The following SLCO1A2 variants were observed in gnomAD, a reference collection of about 807,000 sequenced individuals.
SLCO1A2 encodes OATP-1.
In SLCO1A2, 67 loss-of-function variants were observed where a neutral mutation model predicts 69.0. The ratio of observed to expected loss-of-function variants is 0.97; its 90% CI spans 0.80 to 1.19. The LOEUF is 1.19. SLCO1A2 is among the 50% of genes most tolerant of loss of function. SLCO1A2 has a pLI of 0.00. For synonymous variants in SLCO1A2, 260 were observed against 265.9 expected, an observed-to-expected ratio of 0.98 and a Z score of 0.22; for missense variants, 787 against 793.7, an observed-to-expected ratio of 0.99 and a Z score of 0.10.
At chr12:21,303,524 T>A (rs1248373620) in intron 6 of SLCO1A2, among the ~76,000 whole-genome samples, 1 of 152,208 alleles carries the variant, frequency 6.6e-6, no homozygotes. Context: ...CCTCTTTGAC[T>A]TTTTTAGTTT....
At chr12:21,313,814 C>CA (rs142521520) in intron 4 of SLCO1A2, among the ~76,000 whole-genome samples, 11,215 of 151,248 alleles carry the variant, frequency 0.074, 699 homozygotes, top group East Asian at 0.34. Flanking sequence ...ACTAAAAATG[C>CA]AAAAAATTAG....
chr12:21,342,291 T>A (rs2136984731), intron 2 of SLCO1A2, among the ~76,000 whole-genome samples: 1 of 151,988 alleles, frequency 6.6e-6, no homozygotes, highest in South Asian at 2.1e-4. Flanking sequence ...TCAAGACCTA[T>A]TTTTGAAAAA....
Position 21,365,648 on chromosome 12 carries a change from T to A in SLCO1A2, c.-63+8751A>T, listed in dbSNP as rs183327988. ...GGAGAAAATTTTTACAATCTACCCA[T>A]CTGACAAAGGGCTAATATCCAGAAT... On this transcript the variant is annotated intron_variant, in intron 2 of 15. Transcript: ENST00000307378. Among the ~76,000 whole-genome samples, 1,305 of 152,142 alleles carry A rather than the reference T, an allele frequency of 8.6e-3. 16 individuals are homozygous for A. Among genetic ancestry groups the A allele is most frequent in the African/African-American group, 0.027 (1,121 of 41,508 alleles).
chr12:21,295,106 A>G (rs1262587918), intron 10 of SLCO1A2: 1 of 152,304 alleles, frequency 6.6e-6, no homozygotes. Context: ...TTTTAGACAT[A>G]GCAATATAAA....
intron 2 of SLCO1A2, among the ~76,000 whole-genome samples, chr12:21,352,837 T>A (rs1189614371): frequency 6.6e-6 from 1 of 152,208 alleles, no homozygotes; most frequent in Non-Finnish European, 1.5e-5. Flanking sequence ...GGGAAGTACA[T>A]AAGGTGTATG....
chr12:21,309,143 C>A (rs1217045473), intron 4 of SLCO1A2, among the ~76,000 whole-genome samples: 1 of 151,898 alleles, frequency 6.6e-6, no homozygotes. Flanking sequence ...AAAGTTAAAT[C>A]TCCCAGAAAG....
exon 1 of SLCO1A2, chr12:21,395,351 G>A (rs1036687590): frequency 6.5e-6 from 1 of 152,968 alleles, no homozygotes; most frequent in Non-Finnish European, 1.5e-5. Flanking sequence ...ATTATATCCC[G>A]CACCTGGCTC....
chr12:21,293,424 C>T (rs1947216399), intron 11 of SLCO1A2, among the ~76,000 whole-genome samples: 2 of 152,060 alleles, frequency 1.3e-5, no homozygotes. Flanking sequence ...TGATCACCAA[C>T]CAACGTTATA....
chr12:21,313,562 A>G (rs558786520), intron 4 of SLCO1A2, among the ~76,000 whole-genome samples: 19 of 152,214 alleles, frequency 1.2e-4, no homozygotes, highest in Admixed American at 1.0e-3. Context: ...AAATACAAAA[A>G]TTAACTGAGT....
At chr12:21,398,101 G>C (rs1375465291), upstream of SLCO1A2, among the ~76,000 whole-genome samples, 12 of 140,708 alleles carry the variant, frequency 8.5e-5, no homozygotes, top group East Asian at 4.1e-4. Context: ...TTTTTGAAAG[G>C]ATCAACAAAA....
intron 3 of SLCO1A2, among the ~76,000 whole-genome samples, chr12:21,316,005 C>T (rs1565493948): frequency 1.3e-5 from 2 of 152,216 alleles, no homozygotes; most frequent in South Asian, 2.1e-4. Context: ...ATGTTTATTG[C>T]CTTTTGTAAA....
At chr12:21,331,404 G>A (rs1044796613) in intron 2 of SLCO1A2, among the ~76,000 whole-genome samples, 17 of 152,046 alleles carry the variant, frequency 1.1e-4, no homozygotes, top group African/African-American at 4.1e-4. Context: ...TTTCAGTTAT[G>A]AGGAATTTTA....
Position 21,300,543 on chromosome 12 carries a change from T to TGTCA in SLCO1A2, c.711_714dup (p.Thr239Ter). 1 of 1,611,954 alleles carries TGTCA rather than the reference T, an allele frequency of 6.2e-7. No individual in the cohort carries two copies. The highest frequency in any genetic ancestry group is 8.5e-7 in the Non-Finnish European group (1 of 1,179,098). On this transcript the variant is annotated stop_gained and frameshift_variant, in exon 8 of 15. Transcript: ENST00000683939. LOFTEE classifies it high-confidence loss of function. ...AACCACCATGCACCGACCCAACGAG[T>TGTCA]GTCAGTGGGAGTTATGATCAGATCA...
In SLCO1A2 at chr12:21,355,508, C is replaced by A. The variant is rs367667567; in HGVS notation, c.-63+18891G>T. ...AAAATACTGATACAAGGCCTAGGAT[C>A]TGGGAGACCTAAACTTTGAGTCTGT... On this transcript the variant is annotated intron_variant, in intron 2 of 15. Transcript: ENST00000307378. Among the ~76,000 whole-genome samples the A allele has an allele frequency of 4.3e-4, 66 of 152,214 alleles. 1 individual carries two copies. In the South Asian group the frequency reaches 0.013, roughly 31 times the overall value.
intron 8 of SLCO1A2, among the ~76,000 whole-genome samples, chr12:21,300,040 ATATATG>A: frequency 6.8e-6 from 1 of 147,610 alleles, no homozygotes; most frequent in African/African-American, 2.6e-5. Context: ...GTGTGTATAT[ATATATG>A]TGTGTGTACA....
chr12:21,305,431 G>C (rs1197477989), intron 5 of SLCO1A2, among the ~76,000 whole-genome samples: 2 of 152,212 alleles, frequency 1.3e-5, no homozygotes, highest in Non-Finnish European at 2.9e-5. Flanking sequence ...GACCACAGCT[G>C]GGTCCAGGAA....
intron 2 of SLCO1A2, among the ~76,000 whole-genome samples, chr12:21,346,352 C>A (rs1405643003): frequency 6.6e-6 from 1 of 152,014 alleles, no homozygotes; most frequent in Admixed American, 6.5e-5. Context: ...GCAGAACTGT[C>A]GGTGAGAGAG....
At chr12:21,322,299 T>C (rs1271087195) in intron 2 of SLCO1A2, among the ~76,000 whole-genome samples, 2 of 152,132 alleles carry the variant, frequency 1.3e-5, no homozygotes, top group Non-Finnish European at 2.9e-5. Context: ...ATTTAGAAAG[T>C]TTATTTTGCC....
chr12:21,289,026 A>G (rs1271817363), intron 12 of SLCO1A2, among the ~76,000 whole-genome samples: 1 of 151,936 alleles, frequency 6.6e-6, no homozygotes, highest in African/African-American at 2.4e-5. Flanking sequence ...TTTACAAGCA[A>G]TACAAATATA....
Sources: gnomAD v4.1 joint callset for allele counts (sites outside exome capture counted in the v4.1 genomes callset) on GRCh38, gnomAD v4.1.1 for gene constraint, MANE v1.5 for transcripts, NCBI Gene and HGNC (gene_info 2026-07-23, HGNC 2026-07-21) for gene names.